The following MYO16 variants were observed in gnomAD, a reference collection of about 807,000 sequenced individuals.
The protein encoded by MYO16 is unconventional myosin-XVI.
MYO16 carries 94 observed loss-of-function variants against 205.3 expected under a neutral mutation model. The ratio of observed to expected loss-of-function variants is 0.46; its 90% CI spans 0.39 to 0.54. The LOEUF (loss-of-function observed/expected upper bound fraction) is 0.54. Among genes scored for constraint, MYO16 ranks in the 20% least tolerant of loss-of-function variants. MYO16 has a pLI of 0.00. For synonymous variants in MYO16, 988 were observed against 954.0 expected (o/e 1.04, Z -0.66); for missense variants, 2,315 against 2,387.5 (o/e 0.97, Z 0.63).
At chr13:108,740,717 T>G (rs1884876847) in intron 4 of MYO16, among the ~76,000 whole-genome samples, 1 of 152,308 alleles carries the variant, frequency 6.6e-6, no homozygotes, top group South Asian at 2.1e-4. Context: ...TGTTCAGCTA[T>G]GTCCTGCCCC....
chr13:108,759,710 A>G (rs867601352), intron 4 of MYO16, among the ~76,000 whole-genome samples: 1 of 151,292 alleles, frequency 6.6e-6, no homozygotes, highest in African/African-American at 2.4e-5. Context: ...AGTCCCAGCT[A>G]CTCCGGAGGC....
intron 20 of MYO16, among the ~76,000 whole-genome samples, chr13:108,974,835 A>G (rs566952952): frequency 6.6e-6 from 1 of 152,320 alleles, no homozygotes; most frequent in East Asian, 1.9e-4. Flanking sequence ...TAGGGACAGT[A>G]AACCAGAACT....
rs146754274 is a variant in MYO16 at position 108,961,619 on chromosome 13, C to T, written c.2118C>T (p.Asn706=). The change falls in exon 18 of 35, where the codon AAC becomes AAT. Residue 706 remains asparagine (N), a synonymous_variant. Transcript: ENST00000457511. ...DIRFTALNEG[N]SAFVSDLQLL... ...GGTTTACTGCCCTGAATGAGGGGAA[C>T]TCCGCCTTCGTTTCTGACCTCCAGC... 1.9e-6 allele frequency: 3 copies of T among 1,613,974 alleles called. No homozygotes were observed. The African/African-American group carries it at 4.0e-5, about 22-fold the overall frequency.
intron 6 of MYO16, among the ~76,000 whole-genome samples, chr13:108,796,522 A>G (rs926507902): frequency 6.6e-6 from 1 of 152,204 alleles, no homozygotes; most frequent in South Asian, 2.1e-4. Flanking sequence ...CAATCCAAAT[A>G]TCCAACAATG....
Position 108,923,289 on chromosome 13 carries a change from G to A in MYO16, c.1925+13139G>A, listed in dbSNP as rs80033587. Among the ~76,000 whole-genome samples the A allele has an allele frequency of 2.8e-4, 42 of 152,340 alleles. 2 individuals carry two copies. In the South Asian group the frequency reaches 4.1e-3, roughly 15 times the overall value. ...CTCAGAACACGGTTGAAAACAGATA[G>A]GAATGGGAAATTCAGACACAGGAGA... On this transcript the variant is annotated intron_variant, in intron 16 of 34. Transcript: ENST00000457511.
chr13:109,074,529 T>C (rs975678286), intron 27 of MYO16, among the ~76,000 whole-genome samples: 1 of 152,052 alleles, frequency 6.6e-6, no homozygotes, highest in Admixed American at 6.6e-5. Flanking sequence ...AGCCCTCAGA[T>C]CTTGTGAGAA....
intron 32 of MYO16, among the ~76,000 whole-genome samples, chr13:109,159,544 T>C (rs1343807380): frequency 6.6e-6 from 1 of 152,264 alleles, no homozygotes; most frequent in African/African-American, 2.4e-5. Flanking sequence ...AGCCGGGCTC[T>C]ATTCTAGGCA....
intron 16 of MYO16, among the ~76,000 whole-genome samples, chr13:108,944,733 G>T (rs1318632407): frequency 2.6e-5 from 4 of 152,076 alleles, no homozygotes; most frequent in Admixed American, 2.0e-4. Flanking sequence ...TATATACTTT[G>T]CATGTTTTAA....
chr13:108,805,449 T>A (rs953957072), intron 6 of MYO16, among the ~76,000 whole-genome samples: 2 of 152,190 alleles, frequency 1.3e-5, no homozygotes, highest in Admixed American at 1.3e-4. Context: ...ATAAGCCTTT[T>A]TGACTTTAAT....
At chr13:108,507,778 T>C in the MYO16 span, among the ~76,000 whole-genome samples, 1 of 152,178 alleles carries the variant, frequency 6.6e-6, no homozygotes, top group African/African-American at 2.4e-5. Flanking sequence ...TGATGTCTCA[T>C]AAGTATCTTA....
intron 5 of MYO16, among the ~76,000 whole-genome samples, chr13:108,790,577 C>T (rs182795953): frequency 1.3e-4 from 20 of 152,190 alleles, no homozygotes; most frequent in African/African-American, 4.6e-4. Flanking sequence ...GGGCTATATC[C>T]ATCTTGGTTG....
At chr13:108,927,286 A>G (rs1882052427) in intron 16 of MYO16, among the ~76,000 whole-genome samples, 3 of 152,278 alleles carry the variant, frequency 2.0e-5, no homozygotes, top group South Asian at 4.1e-4. Flanking sequence ...CTTTTCTCCT[A>G]TTTGCCTTCC....
At chr13:108,637,872 A>G (rs1880330342) in intron 1 of MYO16, among the ~76,000 whole-genome samples, 1 of 151,920 alleles carries the variant, frequency 6.6e-6, no homozygotes. Flanking sequence ...TAAATAGATT[A>G]ATTAATTAAT....
At chr13:108,639,965 G>A (rs976420225) in intron 1 of MYO16, among the ~76,000 whole-genome samples, 1 of 152,234 alleles carries the variant, frequency 6.6e-6, no homozygotes, top group African/African-American at 2.4e-5. Flanking sequence ...CAGATGGGAA[G>A]AGCAGGCTTG....
At chr13:108,950,477 A>G (rs1165950303) in intron 16 of MYO16, among the ~76,000 whole-genome samples, 1 of 152,182 alleles carries the variant, frequency 6.6e-6, no homozygotes, top group East Asian at 1.9e-4. Flanking sequence ...AACACACATT[A>G]AAACCCTGAT....
chr13:108,809,402 G>T (rs1887215229), intron 7 of MYO16, among the ~76,000 whole-genome samples: 1 of 152,144 alleles, frequency 6.6e-6, no homozygotes. Flanking sequence ...AAGAAAGCAG[G>T]TTTAATTGGC....
chr13:109,064,695 C>CA (rs926741489), intron 27 of MYO16, among the ~76,000 whole-genome samples: 10 of 151,518 alleles, frequency 6.6e-5, no homozygotes, highest in East Asian at 1.9e-4. Flanking sequence ...TAGGGAGGAA[C>CA]AAAAAAAAGG....
intron 17 of MYO16, among the ~76,000 whole-genome samples, chr13:108,958,406 T>C (rs1270523868): frequency 6.6e-6 from 1 of 151,932 alleles, no homozygotes; most frequent in African/African-American, 2.4e-5. Flanking sequence ...TCTTGAACAA[T>C]ATAAATGTTT....
At chr13:109,145,502 A>G (rs183183668) in intron 32 of MYO16, among the ~76,000 whole-genome samples, 1 of 152,364 alleles carries the variant, frequency 6.6e-6, no homozygotes, top group East Asian at 1.9e-4. Context: ...GATGATGGGT[A>G]TGTATAATTC....
Sources: allele counts gnomAD v4.1 joint callset (sites outside exome capture counted in the v4.1 genomes callset), GRCh38; gene constraint gnomAD v4.1.1; transcripts MANE v1.5; gene names NCBI Gene and HGNC (gene_info 2026-07-23, HGNC 2026-07-21).